STARD13: variants seen among roughly 807,000 people sequenced by gnomAD.
STARD13 encodes stAR-related lipid transfer protein 13.
STARD13 carries 62 observed loss-of-function variants against 106.4 expected under a neutral mutation model. The observed-to-expected ratio is 0.58, with a 90% CI of 0.48 to 0.72. STARD13 has a LOEUF of 0.72. STARD13 is among the 30% of genes least tolerant of loss of function. The probability of loss-of-function intolerance (pLI) is 0.00; values close to 1 mark genes in which losing one functional copy is unlikely to be tolerated. For missense variants in STARD13, 1,387 were observed against 1,424.0 expected (o/e 0.97, Z 0.42); for synonymous variants, 565 against 553.0 (o/e 1.02, Z -0.31).
At chr13:33,655,362 A>G in the STARD13 span, among the ~76,000 whole-genome samples, 1 of 152,244 alleles carries the variant, frequency 6.6e-6, no homozygotes, top group Admixed American at 6.5e-5. Flanking sequence ...GTATTTTTCT[A>G]TGACCAGTTC....
the STARD13 span, among the ~76,000 whole-genome samples, chr13:33,580,995 T>C: frequency 6.6e-6 from 1 of 152,314 alleles, no homozygotes; most frequent in South Asian, 2.1e-4. Flanking sequence ...TTTATGTTCT[T>C]CTGTTTAACT....
chr13:33,321,173 T>C (rs1893545996), intron 1 of STARD13, among the ~76,000 whole-genome samples: 2 of 152,252 alleles, frequency 1.3e-5, no homozygotes, highest in African/African-American at 4.8e-5. Context: ...TCCCTCCACC[T>C]AGTAAACCTG....
chr13:33,451,539 G>C, the STARD13 span, among the ~76,000 whole-genome samples: 5 of 152,106 alleles, frequency 3.3e-5, no homozygotes, highest in Non-Finnish European at 5.9e-5. Context: ...GAGTAACAGG[G>C]GAGGTGTACA....
At chr13:33,654,929 T>C in the STARD13 span, 1 of 152,258 alleles carries the variant, frequency 6.6e-6, no homozygotes, top group African/African-American at 2.4e-5. Flanking sequence ...CCTGTGGCCA[T>C]TGACAAGCCG....
intron 1 of STARD13, among the ~76,000 whole-genome samples, chr13:33,235,561 G>T (rs1353226764): frequency 6.6e-6 from 1 of 152,120 alleles, no homozygotes; most frequent in African/African-American, 2.4e-5. Flanking sequence ...CAGGTGTTTC[G>T]GTCTATGTAC....
chr13:33,275,389 A>G (rs1020794359), intron 1 of STARD13, among the ~76,000 whole-genome samples: 2 of 152,224 alleles, frequency 1.3e-5, no homozygotes, highest in Admixed American at 6.5e-5. Context: ...TTTGTCTTAA[A>G]TTGAGCACTT....
At chr13:33,111,039 T>G in intron 10 of STARD13, 132 bp from the exon 11 acceptor site, 1 of 724,038 alleles carries the variant, frequency 1.4e-6, no homozygotes, top group East Asian at 2.7e-5. Context: ...AGAGATGTTT[T>G]TCTAAGATCA....
the STARD13 span, among the ~76,000 whole-genome samples, chr13:33,433,214 T>C: frequency 6.6e-6 from 1 of 152,200 alleles, no homozygotes; most frequent in Non-Finnish European, 1.5e-5. Flanking sequence ...CCAACAAAGT[T>C]CCTACTAAGT....
intron 4 of STARD13, among the ~76,000 whole-genome samples, chr13:33,140,762 C>CTTTTTTTTT (rs1190491022): frequency 1.4e-5 from 2 of 142,326 alleles, no homozygotes; most frequent in Non-Finnish European, 1.5e-5. Flanking sequence ...ACTTTCTTTT[C>CTTTTTTTTT]TTTCTTTTTT....
the STARD13 span, among the ~76,000 whole-genome samples, chr13:33,586,302 A>G: frequency 6.6e-6 from 1 of 152,124 alleles, no homozygotes; most frequent in Non-Finnish European, 1.5e-5. Context: ...CAAAACCAGG[A>G]TATTTCCATT....
In STARD13 at chr13:33,204,553, T is replaced by A. The variant is rs960188341; in HGVS notation, c.170-36931A>T. On this transcript the variant is annotated intron_variant, in intron 1 of 13. Transcript: ENST00000336934. ...TGGAAAGAACCCCGTAGAAACCATA[T>A]GGTTGTCAGTAACGGCATAATCTCA... Among the ~76,000 whole-genome samples the A allele has an allele frequency of 1.3e-5, 2 of 152,264 alleles. 1 individual carries two copies. Among genetic ancestry groups the A allele is most frequent in the South Asian group, 4.1e-4 (2 of 4,824 alleles).
At chr13:33,401,542 C>T in the STARD13 span, among the ~76,000 whole-genome samples, 1 of 152,210 alleles carries the variant, frequency 6.6e-6, no homozygotes, top group Non-Finnish European at 1.5e-5. Flanking sequence ...CTTAAAGACA[C>T]CAGTGGCCTG....
At chr13:33,578,277 G>A in the STARD13 span, among the ~76,000 whole-genome samples, 878 of 152,010 alleles carry the variant, frequency 5.8e-3, 11 homozygotes, top group African/African-American at 0.02. Flanking sequence ...AAACTAAAAC[G>A]GCATGGTATT....
chr13:33,202,309 G>A (rs1272838634), intron 1 of STARD13, among the ~76,000 whole-genome samples: 1 of 152,226 alleles, frequency 6.6e-6, no homozygotes, highest in East Asian at 1.9e-4. Flanking sequence ...CAGGTTCCCA[G>A]CTGACAACAG....
the STARD13 span, among the ~76,000 whole-genome samples, chr13:33,634,377 T>C: frequency 6.6e-6 from 1 of 152,210 alleles, no homozygotes; most frequent in African/African-American, 2.4e-5. Flanking sequence ...AGTAAATGCA[T>C]AGAATATTTC....
At chr13:33,113,157 C>T (rs947787662) in intron 8 of STARD13, 81 of 527,908 alleles carry the variant, frequency 1.5e-4, no homozygotes, top group Non-Finnish European at 2.5e-4. Flanking sequence ...AACTTTGGAT[C>T]CCACGCTCTC....
chr13:33,595,843 A>G, the STARD13 span, among the ~76,000 whole-genome samples: 1 of 152,318 alleles, frequency 6.6e-6, no homozygotes, highest in South Asian at 2.1e-4. Context: ...TTGTTGCAAG[A>G]CAGCTCTGTT....
intron 1 of STARD13, among the ~76,000 whole-genome samples, chr13:33,177,805 G>GAAGGA (rs1884719141): frequency 2.1e-4 from 3 of 14,128 alleles, no homozygotes; most frequent in East Asian, 2.7e-3. Context: ...GGAAGGAAAG[G>GAAGGA]AAGGAAGGAA....
At chr13:33,609,398 C>T in the STARD13 span, among the ~76,000 whole-genome samples, 20,712 of 151,902 alleles carry the variant, frequency 0.14, 2,260 homozygotes, top group African/African-American at 0.29. Context: ...CACTTGAAAC[C>T]GTCATGTCAG....
Sources: gnomAD v4.1 joint callset for allele counts (sites outside exome capture counted in the v4.1 genomes callset) on GRCh38, gnomAD v4.1.1 for gene constraint, MANE v1.5 for transcripts, NCBI Gene and HGNC (gene_info 2026-07-23, HGNC 2026-07-21) for gene names.